ACSBG2: variants seen among roughly 807,000 people sequenced by gnomAD.
ACSBG2 encodes the protein acyl-CoA synthetase bubblegum family member 2.
ACSBG2 carries 62 observed loss-of-function variants against 74.7 expected under a neutral mutation model. The observed-to-expected ratio is 0.83, with a 90% CI of 0.68 to 1.03. The LOEUF (loss-of-function observed/expected upper bound fraction) is 1.03, where lower values mean the gene tolerates loss of function less well. Among genes scored for constraint, ACSBG2 ranks in the 50% least tolerant of loss-of-function variants. The probability of loss-of-function intolerance (pLI) is 0.00; values close to 1 mark genes in which losing one functional copy is unlikely to be tolerated. For synonymous variants in ACSBG2, 309 were observed against 294.1 expected, an observed-to-expected ratio of 1.05 and a Z score of -0.52; for missense variants, 730 against 817.6, an observed-to-expected ratio of 0.89 and a Z score of 1.31.
intron 7 of ACSBG2, among the ~76,000 whole-genome samples, chr19:6,166,250 A>G (rs2089797069): frequency 6.8e-6 from 1 of 147,620 alleles, no homozygotes; most frequent in Non-Finnish European, 1.5e-5. Flanking sequence ...CACCCAGCAG[A>G]CAATGATTCC....
chr19:6,156,951 CT>C (rs530844999), intron 5 of ACSBG2, among the ~76,000 whole-genome samples: 11,200 of 146,760 alleles, frequency 0.076, 882 homozygotes, highest in African/African-American at 0.21. Context: ...GTCAGGCTAA[CT>C]TTTTTTTTTT....
chr19:6,136,511 C>T (rs532537346), intron 1 of ACSBG2, among the ~76,000 whole-genome samples: 50 of 149,968 alleles, frequency 3.3e-4, no homozygotes, highest in Non-Finnish European at 2.7e-4. Flanking sequence ...TATAGGCACG[C>T]GCCACCATGC....
intron 8 of ACSBG2, among the ~76,000 whole-genome samples, chr19:6,177,877 T>A (rs771724813): frequency 7.5e-4 from 17 of 22,792 alleles, no homozygotes; most frequent in Non-Finnish European, 1.1e-3. Flanking sequence ...AAGTAAAGAG[T>A]GTGTGTGTGT....
intron 4 of ACSBG2, among the ~76,000 whole-genome samples, chr19:6,153,318 C>T (rs1242166328): frequency 6.6e-6 from 1 of 152,092 alleles, no homozygotes; most frequent in East Asian, 1.9e-4. Context: ...GTCACTCTTA[C>T]CTATATGATA....
chr19:6,181,333 AGAG>A (rs2090247940), intron 8 of ACSBG2, among the ~76,000 whole-genome samples: 2 of 150,234 alleles, frequency 1.3e-5, no homozygotes, highest in Admixed American at 1.3e-4. Flanking sequence ...GGAGGAAAAA[AGAG>A]GAAGGAAGGA....
chr19:6,187,018 T>A (rs2090426930), intron 11 of ACSBG2, among the ~76,000 whole-genome samples: 1 of 151,480 alleles, frequency 6.6e-6, no homozygotes, highest in African/African-American at 2.4e-5. Flanking sequence ...TTTTTTTTTT[T>A]TTTGAGATGG....
intron 2 of ACSBG2, among the ~76,000 whole-genome samples, chr19:6,146,810 G>A (rs1365484236): frequency 6.9e-6 from 1 of 144,428 alleles, no homozygotes; most frequent in Non-Finnish European, 1.5e-5. Context: ...AAAAAAATAA[G>A]ATGGGGCCAG....
intron 4 of ACSBG2, among the ~76,000 whole-genome samples, chr19:6,153,224 C>T (rs375575227): frequency 7.2e-5 from 11 of 152,110 alleles, no homozygotes; most frequent in East Asian, 3.9e-4. Context: ...CCAGCCTGGG[C>T]GACAGAGCGA....
chr19:6,141,986 C>T (rs1368634601), intron 2 of ACSBG2, among the ~76,000 whole-genome samples: 2 of 152,196 alleles, frequency 1.3e-5, no homozygotes, highest in African/African-American at 4.8e-5. Context: ...CCACCTTGGC[C>T]TCCCAAAGTG....
chr19:6,158,067 T>C (rs950188719), intron 5 of ACSBG2, among the ~76,000 whole-genome samples: 1 of 151,380 alleles, frequency 6.6e-6, no homozygotes, highest in African/African-American at 2.4e-5. Flanking sequence ...TTTCTTTTTT[T>C]TTTTTTGAGA....
chr19:6,144,252 C>A (rs1023061407), intron 2 of ACSBG2, among the ~76,000 whole-genome samples: 1 of 152,192 alleles, frequency 6.6e-6, no homozygotes, highest in Non-Finnish European at 1.5e-5. Flanking sequence ...CCTGCCTCGG[C>A]CTCCCAAAGT....
intron 2 of ACSBG2, among the ~76,000 whole-genome samples, chr19:6,145,981 C>T (rs2089016904): frequency 6.6e-6 from 1 of 152,160 alleles, no homozygotes; most frequent in African/African-American, 2.4e-5. Flanking sequence ...TAAATCTTCT[C>T]CCCATGAACG....
chr19:6,157,037 C>T (rs1202148403), intron 5 of ACSBG2, among the ~76,000 whole-genome samples: 2 of 152,180 alleles, frequency 1.3e-5, no homozygotes, highest in East Asian at 3.9e-4. Flanking sequence ...AGCTCTGCCT[C>T]CTGGGTTCAT....
rs1456850494 is a variant in ACSBG2 at position 6,185,530 on chromosome 19, A to G, written c.1417A>G (p.Met473Val). 3 of 1,614,114 alleles carry G rather than the reference A, an allele frequency of 1.9e-6. No homozygotes were observed. Among genetic ancestry groups the G allele is most frequent in the Admixed American group, 1.7e-5 (1 of 60,012 alleles). The change falls in exon 11 of 15, where the codon ATG becomes GTG. Residue 473 changes from methionine (M) to valine (V), a missense_variant. Coordinates refer to ENST00000588485, the MANE Select transcript of ACSBG2 (RefSeq NM_030924.5). Reference sequence around the variant, plus strand: ...CTGCCTCTGGGGTAGGCACATCTTCATGGGCTATCTGGAAAGTGAGACTGA... The same window carrying G: ...CTGCCTCTGGGGTAGGCACATCTTCGTGGGCTATCTGGAAAGTGAGACTGA... ...EICLWGRHIF[M>V]GYLESETETT... is the part of the protein sequence containing the mutation.
rs2090598318 is a variant in ACSBG2 at position 6,192,776 on chromosome 19, T to C, written c.*144T>C. On this transcript the variant is annotated 3_prime_UTR_variant, in exon 15 of 15. Coordinates refer to ENST00000588485, the MANE Select transcript of ACSBG2 (RefSeq NM_030924.5). ...CCTCATTGGTCAGTTTCTTGATTGT[T>C]CGTCTGTTGGAGAGGTGCTCCCTAG... 6.6e-6 allele frequency: 1 copy of C among 152,206 alleles called. No individual in the cohort carries two copies. The highest frequency in any genetic ancestry group is 1.5e-5 in the Non-Finnish European group (1 of 68,040). 9.4% of individuals were successfully genotyped at this position (152,206 alleles called of 1,614,324 possible).
chr19:6,155,922 C>CAAAA (rs55846830), intron 4 of ACSBG2, among the ~76,000 whole-genome samples: 1 of 140,486 alleles, frequency 7.1e-6, no homozygotes, highest in African/African-American at 2.6e-5. Flanking sequence ...AATAAAAAGG[C>CAAAA]AAAAAAAAAA....
chr19:6,156,367 T>C, intron 4 of ACSBG2, 64 bp from the exon 5 acceptor site: 1 of 1,509,344 alleles, frequency 6.6e-7, no homozygotes, highest in Non-Finnish European at 8.8e-7. Flanking sequence ...TCTTTTGACC[T>C]TCCAGACCAT....
intron 13 of ACSBG2, among the ~76,000 whole-genome samples, chr19:6,188,419 C>T (rs1281309927): frequency 2.6e-5 from 4 of 152,244 alleles, no homozygotes; most frequent in East Asian, 1.9e-4. Flanking sequence ...GTTGGGCAGA[C>T]TGCTTGAGCC....
chr19:6,172,346 G>T (rs982368135), intron 7 of ACSBG2, among the ~76,000 whole-genome samples: 1 of 152,136 alleles, frequency 6.6e-6, no homozygotes, highest in South Asian at 2.1e-4. Context: ...CTATTGTTTG[G>T]ATGGGGCTTT....
Sources: allele counts gnomAD v4.1 joint callset (sites outside exome capture counted in the v4.1 genomes callset), GRCh38; gene constraint gnomAD v4.1.1; transcripts MANE v1.5; gene names NCBI Gene and HGNC (gene_info 2026-07-23, HGNC 2026-07-21).